UNC13C: variants seen among roughly 807,000 people sequenced by gnomAD.
UNC13C encodes the protein protein unc-13 homolog C.
Under a neutral mutation model 245.4 loss-of-function variants are expected in UNC13C, and 174 were observed. That is an observed-to-expected ratio of 0.71 (90% confidence interval 0.63 to 0.80). UNC13C has a LOEUF of 0.80. Ranked by LOEUF, UNC13C falls within the 30% of genes least tolerant of loss-of-function variation. The probability of loss-of-function intolerance (pLI) is 0.00; values close to 1 mark genes in which losing one functional copy is unlikely to be tolerated. For missense variants in UNC13C, 2,829 were observed against 2,602.9 expected (o/e 1.09, Z -1.89); for synonymous variants, 992 against 895.1 (o/e 1.11, Z -1.93).
At chr15:54,196,344 G>GA (rs571131122) in intron 4 of UNC13C, among the ~76,000 whole-genome samples, 5,063 of 135,840 alleles carry the variant, frequency 0.037, 94 homozygotes, top group African/African-American at 0.051. Flanking sequence ...GGCTACTGGA[G>GA]AAAAAAAAAA....
At chr15:53,885,917 T>G in the UNC13C span, among the ~76,000 whole-genome samples, 1 of 152,204 alleles carries the variant, frequency 6.6e-6, no homozygotes, top group Admixed American at 6.5e-5. Flanking sequence ...TGGGTATGGT[T>G]AACAATTCTG....
At chr15:54,279,570 A>G (rs1407862247) in intron 10 of UNC13C, among the ~76,000 whole-genome samples, 4 of 152,200 alleles carry the variant, frequency 2.6e-5, no homozygotes, top group Non-Finnish European at 5.9e-5. Flanking sequence ...CATTGCCTCA[A>G]AGTTTCTTGA....
chr15:54,599,199 T>C (rs2051415121), intron 30 of UNC13C, among the ~76,000 whole-genome samples: 1 of 152,032 alleles, frequency 6.6e-6, no homozygotes, highest in African/African-American at 2.4e-5. Context: ...ATCTTACCAA[T>C]GAAGAGAAAC....
chr15:54,148,108 T>C (rs2032358511), intron 4 of UNC13C, among the ~76,000 whole-genome samples: 1 of 152,100 alleles, frequency 6.6e-6, no homozygotes, highest in Non-Finnish European at 1.5e-5. Flanking sequence ...AGAAGTGAAA[T>C]AATGCAGAGA....
intron 2 of UNC13C, among the ~76,000 whole-genome samples, chr15:54,093,503 A>G (rs987113191): frequency 3.9e-5 from 6 of 152,210 alleles, no homozygotes; most frequent in African/African-American, 1.4e-4. Context: ...CTGAATATTA[A>G]TGTTGCTTTC....
At chr15:53,963,391 T>C in the UNC13C span, among the ~76,000 whole-genome samples, 1 of 152,222 alleles carries the variant, frequency 6.6e-6, no homozygotes, top group Non-Finnish European at 1.5e-5. Flanking sequence ...CAAGCCTGCC[T>C]GGGTTTGAAC....
At chr15:54,285,650 C>T (rs1025417215) in intron 10 of UNC13C, among the ~76,000 whole-genome samples, 1 of 152,102 alleles carries the variant, frequency 6.6e-6, no homozygotes, top group Non-Finnish European at 1.5e-5. Flanking sequence ...TGATGCCCTG[C>T]CTTCCAGGCC....
intron 1 of UNC13C, among the ~76,000 whole-genome samples, chr15:53,982,942 T>C (rs1380947620): frequency 6.6e-6 from 1 of 152,170 alleles, no homozygotes; most frequent in East Asian, 1.9e-4. Flanking sequence ...GCCAGAGGCT[T>C]GGTGAATAGC....
chr15:54,013,294 T>C lies in UNC13C; in HGVS notation c.391T>C (p.Leu131=), dbSNP rs757177970. The C allele has an allele frequency of 1.2e-6, 2 of 1,613,772 alleles. No individual in the cohort carries two copies. Among genetic ancestry groups the C allele is most frequent in the South Asian group, 1.1e-5 (1 of 91,080 alleles). ...SSIESSYSES[L]NELRSSTENQ... Reference sequence around the variant, plus strand: ...AATCGAGAGTTCCTACTCAGAATCATTAAATGAACTAAGGAGTAGCACAGA... The same window carrying C: ...AATCGAGAGTTCCTACTCAGAATCACTAAATGAACTAAGGAGTAGCACAGA... The change falls in exon 2 of 33, where the codon TTA becomes CTA. Residue 131 remains leucine (L), a synonymous_variant. Coordinates refer to ENST00000260323, the MANE Select transcript of UNC13C (RefSeq NM_001080534.3).
intron 13 of UNC13C, among the ~76,000 whole-genome samples, chr15:54,312,465 T>G (rs532380480): frequency 6.6e-6 from 1 of 151,914 alleles, no homozygotes; most frequent in East Asian, 1.9e-4. Flanking sequence ...CTAAGTATAT[T>G]TCTTTTTCTG....
Position 54,457,905 on chromosome 15 carries a change from T to C in UNC13C, c.4934-36703T>C, listed in dbSNP as rs527308278. 3.8e-3 allele frequency among the ~76,000 whole-genome samples: 555 copies of C among 146,252 alleles called. 5 individuals are homozygous for C. Among genetic ancestry groups the C allele is most frequent in the African/African-American group, 0.013 (514 of 40,118 alleles). On this transcript the variant is annotated intron_variant, in intron 19 of 32. Coordinates refer to ENST00000260323, the MANE Select transcript of UNC13C (RefSeq NM_001080534.3). The stretch of plus-strand genomic sequence containing the variant: ...GCTCTGCTTTTCGTTTTTTTTTTTT[T>C]CCTTTTTTTTTTCTGCTACTGGATT...
In UNC13C at chr15:54,448,381, G is replaced by A. The variant is rs530218346; in HGVS notation, c.4933+33314G>A. ...CTAATGTTGACTGTGGGGTGTTAAA[G>A]TTTCCCATTATTATTGTTTGGGAGT... is the stretch of plus-strand genomic sequence containing the variant. On this transcript the variant is annotated intron_variant, in intron 19 of 32. Transcript: ENST00000260323. 1.1e-4 allele frequency among the ~76,000 whole-genome samples: 17 copies of A among 152,212 alleles called. 1 individual carries two copies. The highest frequency in any genetic ancestry group is 1.0e-3 in the Admixed American group (16 of 15,282).
chr15:54,298,159 A>C (rs568475391), intron 12 of UNC13C, among the ~76,000 whole-genome samples: 32 of 152,280 alleles, frequency 2.1e-4, no homozygotes, highest in Admixed American at 1.9e-3. Flanking sequence ...GCAGGTGTGA[A>C]TAGGCAATAA....
intron 22 of UNC13C, among the ~76,000 whole-genome samples, chr15:54,506,567 C>A (rs759809803): frequency 2.6e-5 from 4 of 151,970 alleles, no homozygotes; most frequent in Non-Finnish European, 5.9e-5. Context: ...TCTCTTATTT[C>A]AGGATTTCAT....
chr15:54,539,476 T>C (rs992383375), intron 26 of UNC13C, among the ~76,000 whole-genome samples: 2 of 152,044 alleles, frequency 1.3e-5, no homozygotes, highest in Non-Finnish European at 2.9e-5. Context: ...TAATTTTCTA[T>C]ACATTCTCTG....
chr15:54,050,084 C>T, intron 2 of UNC13C: 1 of 326,664 alleles, frequency 3.1e-6, no homozygotes, highest in South Asian at 2.6e-5. Context: ...ATTCTCCTGC[C>T]TCAGCCTCCC....
At chr15:54,310,730 G>A (rs923324764) in intron 13 of UNC13C, among the ~76,000 whole-genome samples, 14 of 146,514 alleles carry the variant, frequency 9.6e-5, no homozygotes, top group East Asian at 2.1e-4. Flanking sequence ...CTTTTATCCC[G>A]CCTCATTTTA....
chr15:53,886,571 A>G, the UNC13C span, among the ~76,000 whole-genome samples: 2 of 152,206 alleles, frequency 1.3e-5, no homozygotes, highest in East Asian at 1.9e-4. Context: ...AGGAACAACA[A>G]GTAATCTATG....
chr15:54,391,109 A>G (rs1273282006), intron 17 of UNC13C, among the ~76,000 whole-genome samples: 1 of 152,104 alleles, frequency 6.6e-6, no homozygotes, highest in Non-Finnish European at 1.5e-5. Flanking sequence ...CCTCCTTTCC[A>G]TGTCACTCTT....
Sources: gnomAD v4.1 joint callset for allele counts (sites outside exome capture counted in the v4.1 genomes callset) on GRCh38, gnomAD v4.1.1 for gene constraint, MANE v1.5 for transcripts, NCBI Gene and HGNC (gene_info 2026-07-23, HGNC 2026-07-21) for gene names.